RBPJ: variants seen among roughly 807,000 people sequenced by gnomAD.
RBPJ encodes recombination signal binding protein for immunoglobulin kappa J region.
Under a neutral mutation model 67.8 loss-of-function variants are expected in RBPJ, and 9 were observed. That is an observed-to-expected ratio of 0.13 (90% CI 0.08 to 0.23). RBPJ has a LOEUF of 0.23. Ranked by LOEUF, RBPJ falls within the 10% of genes least tolerant of loss-of-function variation. The pLI, the probability that RBPJ is intolerant of heterozygous loss-of-function variation, is 1.00. For synonymous variants in RBPJ, 198 were observed against 203.3 expected (o/e 0.97, Z 0.22); for missense variants, 305 against 595.6 (o/e 0.51, Z 5.08).
rs28528843 is a variant in RBPJ at position 26,303,042 on chromosome 4, A to G, written c.-166-59404A>G. On this transcript the variant is annotated intron_variant, in intron 1 of 4. Transcript: ENST00000512351. Reference sequence around the variant, plus strand: ...CTAACAATACAAAAGTTTGCTGGGCATGGTAACGCATGCCTGTAGTCTCAG... The same window carrying G: ...CTAACAATACAAAAGTTTGCTGGGCGTGGTAACGCATGCCTGTAGTCTCAG... 8.3e-3 allele frequency among the ~76,000 whole-genome samples: 1,266 copies of G among 152,004 alleles called. 16 individuals carry two copies. Among genetic ancestry groups the G allele is most frequent in the African/African-American group, 0.029 (1,187 of 41,450 alleles).
intron 1 of RBPJ, among the ~76,000 whole-genome samples, chr4:26,198,146 C>T (rs1036157382): frequency 2.6e-5 from 4 of 151,968 alleles, no homozygotes; most frequent in Non-Finnish European, 5.9e-5. Flanking sequence ...CCCAGCTACT[C>T]GGGAGGCTGA....
At chr4:26,165,100 G>C (rs1317340873) in intron 1 of RBPJ, among the ~76,000 whole-genome samples, 1 of 152,016 alleles carries the variant, frequency 6.6e-6, no homozygotes, top group Admixed American at 6.6e-5. Context: ...AATGAAAAGG[G>C]CACTGCTCTT....
intron 2 of RBPJ, among the ~76,000 whole-genome samples, chr4:26,388,604 A>ACACT (rs954405529): frequency 6.7e-6 from 1 of 150,182 alleles, no homozygotes; most frequent in Non-Finnish European, 1.5e-5. Flanking sequence ...TTACACACAC[A>ACACT]CTCTCTCTCT....
intron 1 of RBPJ, among the ~76,000 whole-genome samples, chr4:26,171,072 A>T (rs769726597): frequency 2.6e-5 from 4 of 152,158 alleles, no homozygotes; most frequent in African/African-American, 9.7e-5. Context: ...GAGTCGAAGG[A>T]CCTGTGTTTG....
chr4:26,375,203 A>G (rs563856821), intron 1 of RBPJ, among the ~76,000 whole-genome samples: 2 of 150,358 alleles, frequency 1.3e-5, no homozygotes, highest in Admixed American at 6.6e-5. Context: ...ACTGGGGAGT[A>G]GGATCACTTC....
chr4:26,229,122 A>G (rs750995031), intron 1 of RBPJ, among the ~76,000 whole-genome samples: 4 of 152,252 alleles, frequency 2.6e-5, no homozygotes, highest in Non-Finnish European at 5.9e-5. Flanking sequence ...AAGTTAGGCA[A>G]CAGGATAGAG....
At chr4:26,316,673 C>CATATATATATACACATATTGTGTAT (rs1560258767), upstream of RBPJ, among the ~76,000 whole-genome samples, 112 of 127,128 alleles carry the variant, frequency 8.8e-4, 1 homozygote, top group African/African-American at 3.0e-3. Context: ...TATATATACA[C>CATATATATATACACATATTGTGTAT]ATATATATAT....
chr4:26,271,723 G>A (rs1247152760), intron 1 of RBPJ, among the ~76,000 whole-genome samples: 2 of 152,126 alleles, frequency 1.3e-5, no homozygotes, highest in African/African-American at 4.8e-5. Context: ...GATATTTCCT[G>A]AATTCCTTTA....
At chr4:26,273,042 A>C (rs1265052858) in intron 1 of RBPJ, among the ~76,000 whole-genome samples, 1 of 152,196 alleles carries the variant, frequency 6.6e-6, no homozygotes, top group Non-Finnish European at 1.5e-5. Flanking sequence ...TCAAAACAAC[A>C]GACCATAAAA....
chr4:26,174,010 C>CTGG (rs1716706686), intron 1 of RBPJ, among the ~76,000 whole-genome samples: 1 of 152,216 alleles, frequency 6.6e-6, no homozygotes, highest in South Asian at 2.1e-4. Flanking sequence ...CCTCTGAAAG[C>CTGG]TGGTAGCTGC....
At chr4:26,347,725 C>CT (rs1318620046) in intron 1 of RBPJ, among the ~76,000 whole-genome samples, 1 of 152,040 alleles carries the variant, frequency 6.6e-6, no homozygotes, top group Admixed American at 6.5e-5. Context: ...GGTTTAGATG[C>CT]TTATTGGAAG....
At chr4:26,189,419 A>C (rs942596100) in intron 1 of RBPJ, among the ~76,000 whole-genome samples, 3 of 152,192 alleles carry the variant, frequency 2.0e-5, no homozygotes, top group Non-Finnish European at 4.4e-5. Flanking sequence ...GCACTTTGTG[A>C]GTCTGAGACA....
chr4:26,290,979 A>G (rs1721648824), intron 1 of RBPJ, among the ~76,000 whole-genome samples: 1 of 151,134 alleles, frequency 6.6e-6, no homozygotes, highest in African/African-American at 2.4e-5. Context: ...AATAGAAAGC[A>G]TTCCCCTTGA....
In RBPJ at chr4:26,331,795, A is replaced by G. The variant is rs1211809361; in HGVS notation, c.20+10747A>G. Among the ~76,000 whole-genome samples the G allele has an allele frequency of 3.3e-5, 5 of 152,130 alleles. No individual in the cohort carries two copies. In the East Asian group the frequency reaches 9.6e-4, roughly 29 times the overall value. ...TCCAGTCTCTGCCTCTTTTCTCTCT[A>G]GCTTCTTGGTTATGCCACCTGCAAT... On this transcript the variant is annotated intron_variant, in intron 1 of 10. Transcript: ENST00000355476.
chr4:26,367,299 A>G (rs1351969807), intron 1 of RBPJ, among the ~76,000 whole-genome samples: 2 of 152,068 alleles, frequency 1.3e-5, no homozygotes, highest in Non-Finnish European at 2.9e-5. Context: ...CCTGGCCAAC[A>G]TGGGAAAACC....
At chr4:26,365,474 G>A (rs1560297182) in intron 1 of RBPJ, among the ~76,000 whole-genome samples, 1 of 152,062 alleles carries the variant, frequency 6.6e-6, no homozygotes, top group Admixed American at 6.6e-5. Context: ...TAAATTCAGT[G>A]GGTTATGACC....
intron 3 of RBPJ, chr4:26,410,127 TCTTA>T (rs1216096904): frequency 1.6e-5 from 7 of 436,118 alleles, no homozygotes; most frequent in Non-Finnish European, 3.2e-5. Flanking sequence ...TGTTCTGGGC[TCTTA>T]CTTGGTGGTG....
At chr4:26,320,509 GA>G, upstream of RBPJ, 2 of 485,340 alleles carry the variant, frequency 4.1e-6, no homozygotes, top group Non-Finnish European at 7.3e-6. Context: ...GGGAACGTTT[GA>G]ATGAATGAAA....
At chr4:26,127,728 G>A in the RBPJ span, among the ~76,000 whole-genome samples, 7 of 152,190 alleles carry the variant, frequency 4.6e-5, no homozygotes, top group Non-Finnish European at 1.0e-4. Flanking sequence ...GCTAGGAATA[G>A]GGTTTTGCCC....
Sources: allele counts gnomAD v4.1 joint callset (sites outside exome capture counted in the v4.1 genomes callset), GRCh38; gene constraint gnomAD v4.1.1; transcripts MANE v1.5; gene names NCBI Gene and HGNC (gene_info 2026-07-23, HGNC 2026-07-21).